Variants in NRXN3 observed in about 807,000 individuals in gnomAD.
The protein encoded by NRXN3 is neurexin 3.
NRXN3 carries 32 observed loss-of-function variants against 137.6 expected under a neutral mutation model. The observed-to-expected ratio is 0.23, with a 90% CI of 0.18 to 0.31. The LOEUF (loss-of-function observed/expected upper bound fraction) is 0.31. NRXN3 is among the 10% of genes least tolerant of loss of function. NRXN3 has a pLI of 1.00. For synonymous variants in NRXN3, 798 were observed against 784.5 expected (o/e 1.02, Z -0.29); for missense variants, 1,574 against 2,062.5 (o/e 0.76, Z 4.59).
intron 16 of NRXN3, among the ~76,000 whole-genome samples, chr14:79,522,767 A>G (rs1276342245): frequency 6.6e-6 from 1 of 152,052 alleles, no homozygotes; most frequent in African/African-American, 2.4e-5. Context: ...GACCTTCCAT[A>G]CTTCATTCAG....
At chr14:79,189,424 T>C (rs1216530261) in intron 15 of NRXN3, among the ~76,000 whole-genome samples, 2 of 146,656 alleles carry the variant, frequency 1.4e-5, no homozygotes, top group African/African-American at 5.0e-5. Flanking sequence ...CTTTAGGAGA[T>C]ATACCTAATG....
At chr14:79,670,892 G>A (rs567611448) in intron 17 of NRXN3, among the ~76,000 whole-genome samples, 10 of 152,210 alleles carry the variant, frequency 6.6e-5, no homozygotes, top group African/African-American at 2.4e-4. Context: ...TGAGAATAGG[G>A]GACTAAGAGA....
intron 4 of NRXN3, among the ~76,000 whole-genome samples, chr14:78,386,394 AC>A (rs1011201079): frequency 6.6e-6 from 1 of 152,082 alleles, no homozygotes; most frequent in Non-Finnish European, 1.5e-5. Flanking sequence ...GCTTTATTGT[AC>A]CCCTGTGATG....
At chr14:78,553,576 AT>A (rs1192121710) in intron 4 of NRXN3, among the ~76,000 whole-genome samples, 1 of 152,198 alleles carries the variant, frequency 6.6e-6, no homozygotes, top group Non-Finnish European at 1.5e-5. Context: ...CAGAGAGGTT[AT>A]TCATACATGG....
At chr14:79,544,964 G>A (rs1226411088) in intron 16 of NRXN3, among the ~76,000 whole-genome samples, 2 of 152,178 alleles carry the variant, frequency 1.3e-5, no homozygotes, top group Non-Finnish European at 2.9e-5. Flanking sequence ...GAGGTCTAGA[G>A]ATGTTCATAG....
At position 79,805,170 on chromosome 14, in the gene NRXN3, T is replaced by C. The variant is rs1336228799; in HGVS notation, c.4073T>C (p.Val1358Ala). 6.2e-7 allele frequency: 1 copy of C among 1,613,848 alleles called. No homozygotes were observed. The highest frequency in any genetic ancestry group is 2.2e-5 in the East Asian group (1 of 44,862). Residue 1358 changes from valine to alanine, a missense_variant, in exon 20 of 21, where the codon GTT becomes GCT. Val to Ala is a moderately conservative substitution (Grantham distance 64, BLOSUM62 0). Coordinates refer to ENST00000335750, the MANE Select transcript of NRXN3 (RefSeq NM_001330195.2). ...TGTTCAAGTGATGATGAAGACTTTG[T>C]TGAATGTGAGCCGAGTACAGGTAGG... ...AECSSDDEDF[V>A]ECEPSTDKSL... is the part of the protein sequence containing the mutation.
intron 4 of NRXN3, among the ~76,000 whole-genome samples, chr14:78,560,609 C>T (rs1042482858): frequency 1.3e-5 from 2 of 152,152 alleles, no homozygotes; most frequent in Non-Finnish European, 2.9e-5. Flanking sequence ...AGAGTTATTA[C>T]AAGCCAGCTG....
At chr14:79,340,692 G>A (rs1201268784) in intron 15 of NRXN3, among the ~76,000 whole-genome samples, 3 of 152,124 alleles carry the variant, frequency 2.0e-5, no homozygotes, top group Non-Finnish European at 4.4e-5. Flanking sequence ...TCGAATTCTC[G>A]ACCTCAGGTG....
chr14:79,615,042 G>A (rs988626444), intron 16 of NRXN3, among the ~76,000 whole-genome samples: 1 of 152,154 alleles, frequency 6.6e-6, no homozygotes. Flanking sequence ...AAAGCAATTA[G>A]GAGTGTAGGA....
chr14:78,423,820 G>T (rs1213584492), intron 4 of NRXN3, among the ~76,000 whole-genome samples: 1 of 152,188 alleles, frequency 6.6e-6, no homozygotes, highest in Non-Finnish European at 1.5e-5. Context: ...TCCAGTTAGG[G>T]ACTATTAGCA....
chr14:79,604,500 G>A (rs566410057), intron 16 of NRXN3, among the ~76,000 whole-genome samples: 1 of 151,286 alleles, frequency 6.6e-6, no homozygotes, highest in Non-Finnish European at 1.5e-5. Context: ...CTCCAAAAGC[G>A]GTAGGATTAC....
chr14:78,326,697 A>T (rs1441621403), intron 4 of NRXN3, among the ~76,000 whole-genome samples: 1 of 152,210 alleles, frequency 6.6e-6, no homozygotes, highest in Non-Finnish European at 1.5e-5. Context: ...TTGAGGCAAA[A>T]TTCGCTCTGA....
chr14:78,485,837 A>G (rs1240313890), intron 4 of NRXN3, among the ~76,000 whole-genome samples: 3 of 152,228 alleles, frequency 2.0e-5, no homozygotes, highest in Non-Finnish European at 4.4e-5. Context: ...ACAGAAACTC[A>G]ATGCAGTGTA....
At chr14:79,128,493 A>G (rs1596281631) in intron 15 of NRXN3, among the ~76,000 whole-genome samples, 1 of 151,308 alleles carries the variant, frequency 6.6e-6, no homozygotes, top group East Asian at 1.9e-4. Flanking sequence ...TGATTTGTGT[A>G]TATTGAACCA....
intron 15 of NRXN3, among the ~76,000 whole-genome samples, chr14:79,227,800 CCCTT>C (rs2071306610): frequency 1.6e-5 from 2 of 122,820 alleles, no homozygotes; most frequent in Admixed American, 8.3e-5. Context: ...CTCCCTTCCT[CCCTT>C]CCTCCCTCCC....
intron 15 of NRXN3, among the ~76,000 whole-genome samples, chr14:79,427,581 G>C (rs944059164): frequency 6.6e-6 from 1 of 152,148 alleles, no homozygotes; most frequent in Non-Finnish European, 1.5e-5. Context: ...GGGAGGCCAA[G>C]GTGGGTGACT....
chr14:79,145,629 A>C (rs1023882642), intron 15 of NRXN3, among the ~76,000 whole-genome samples: 1 of 152,202 alleles, frequency 6.6e-6, no homozygotes, highest in Non-Finnish European at 1.5e-5. Flanking sequence ...ATAATCTGGA[A>C]TCTTTACCTT....
At chr14:78,321,446 AT>A (rs1408832077) in intron 4 of NRXN3, among the ~76,000 whole-genome samples, 1 of 151,906 alleles carries the variant, frequency 6.6e-6, no homozygotes, top group Non-Finnish European at 1.5e-5. Flanking sequence ...ATTCATAAAT[AT>A]TTGTATGTGA....
At chr14:78,760,978 A>T (rs1353587290) in intron 8 of NRXN3, among the ~76,000 whole-genome samples, 1 of 152,144 alleles carries the variant, frequency 6.6e-6, no homozygotes, top group Non-Finnish European at 1.5e-5. Flanking sequence ...AGTAGTATAG[A>T]TCACCGTAAT....
Sources: allele counts gnomAD v4.1 joint callset (sites outside exome capture counted in the v4.1 genomes callset), GRCh38; gene constraint gnomAD v4.1.1; transcripts MANE v1.5; gene names NCBI Gene and HGNC (gene_info 2026-07-23, HGNC 2026-07-21).